Variants in TRPM3 observed in about 807,000 individuals in gnomAD.
TRPM3 encodes the protein long transient receptor potential channel 3.
TRPM3 carries 77 observed loss-of-function variants against 181.2 expected under a neutral mutation model. The ratio of observed to expected loss-of-function variants is 0.42; its 90% CI spans 0.35 to 0.51. The LOEUF (loss-of-function observed/expected upper bound fraction) is 0.51. TRPM3 is among the 20% of genes least tolerant of loss of function. The pLI is 0.01. For synonymous variants in TRPM3, 745 were observed against 796.4 expected, an observed-to-expected ratio of 0.94 and a Z score of 1.09; for missense variants, 1,759 against 2,196.7, an observed-to-expected ratio of 0.80 and a Z score of 3.98.
At chr9:70,890,265 G>C (rs1411708880) in intron 1 of TRPM3, among the ~76,000 whole-genome samples, 1 of 151,684 alleles carries the variant, frequency 6.6e-6, no homozygotes, top group African/African-American at 2.4e-5. Flanking sequence ...CTAAATAGAA[G>C]ATAAAGGTGA....
At position 70,806,563 on chromosome 9, in the gene TRPM3, C is replaced by T. The variant is rs189532438; in HGVS notation, c.973+21284G>A. ...AGAATTAGCTGGGCTTGGTGGTGCA[C>T]GCCTATAGCCCAGCTACTCGGGAGG... On this transcript the variant is annotated intron_variant, in intron 6 of 25. Transcript: ENST00000677713. 1.6e-4 allele frequency among the ~76,000 whole-genome samples: 25 copies of T among 151,954 alleles called. No individual in the cohort carries two copies. In the East Asian group the frequency reaches 1.8e-3, roughly 11 times the overall value.
intron 8 of TRPM3, among the ~76,000 whole-genome samples, chr9:70,685,547 A>G (rs1418433711): frequency 6.6e-6 from 1 of 152,144 alleles, no homozygotes; most frequent in Non-Finnish European, 1.5e-5. Context: ...CTGGGACTAC[A>G]GTCATGCACC....
intron 1 of TRPM3, among the ~76,000 whole-genome samples, chr9:71,335,743 A>C (rs557532766): frequency 1.3e-5 from 2 of 152,222 alleles, no homozygotes; most frequent in Admixed American, 1.3e-4. Flanking sequence ...TAATTTTGTA[A>C]ACATAAAGAA....
intron 1 of TRPM3, among the ~76,000 whole-genome samples, chr9:71,299,689 T>C (rs11142794): frequency 6.6e-6 from 1 of 151,990 alleles, no homozygotes; most frequent in Non-Finnish European, 1.5e-5. Context: ...CAAAGAACTT[T>C]CCATGTAAAA....
In TRPM3 at chr9:70,625,168, C is replaced by G. The variant is rs754023118; in HGVS notation, c.1809+23G>C. 3 of 1,613,508 alleles carry G rather than the reference C, an allele frequency of 1.9e-6. No homozygotes were observed. The highest frequency in any genetic ancestry group is 4.5e-5 in the East Asian group (2 of 44,862). ...ACACCCTAGTCCTCCCAGGAAGGGC[C>G]CCGAATTTGCAGCCAGCCTCACCCT... On this transcript the variant is annotated intron_variant, in intron 14 of 25. Coordinates refer to ENST00000677713, the MANE Select transcript of TRPM3 (RefSeq NM_001366145.2). The surrounding 1 kb of genome is among the most constrained non-coding windows in gnomAD (Gnocchi z 4.8).
At chr9:70,810,070 A>C (rs1251650660) in intron 6 of TRPM3, 1 of 534,524 alleles carries the variant, frequency 1.9e-6, no homozygotes, top group Non-Finnish European at 3.8e-6. Flanking sequence ...AGTCACATGA[A>C]GAAAGACTGT....
At chr9:71,224,754 T>G (rs1259788967) in intron 1 of TRPM3, among the ~76,000 whole-genome samples, 1 of 150,086 alleles carries the variant, frequency 6.7e-6, no homozygotes, top group African/African-American at 2.5e-5. Context: ...AAAATGCAAC[T>G]GGAGACAGAG....
chr9:71,154,847 CA>C (rs1444820955), intron 1 of TRPM3, among the ~76,000 whole-genome samples: 3 of 152,116 alleles, frequency 2.0e-5, no homozygotes, highest in Non-Finnish European at 2.9e-5. Context: ...AAGAACGATA[CA>C]GTTTAAAATT....
chr9:71,412,183 A>C (rs1006768789), intron 1 of TRPM3, among the ~76,000 whole-genome samples: 7 of 152,052 alleles, frequency 4.6e-5, no homozygotes, highest in African/African-American at 1.2e-4. Flanking sequence ...AGGACATAGG[A>C]ATGGGCAAGG....
rs183500268 is a variant in TRPM3, at chr9:71,158,163, T to C, written c.183+288490A>G. Among the ~76,000 whole-genome samples the C allele has an allele frequency of 1.2e-4, 19 of 152,302 alleles. No individual in the cohort carries two copies. In the East Asian group the frequency reaches 1.9e-3, roughly 15 times the overall value. ...AGCACAAAAAGAAAAGATCCTATTA[T>C]ATTCAAGTAACAGAAACTGAAGCTT... On this transcript the variant is annotated intron_variant, in intron 1 of 24. Coordinates refer to the TRPM3 transcript ENST00000357533.
At chr9:70,567,206 G>A (rs17055312) in intron 22 of TRPM3, among the ~76,000 whole-genome samples, 4,026 of 152,224 alleles carry the variant, frequency 0.026, 159 homozygotes, top group East Asian at 0.097. Context: ...TATAGCCAGA[G>A]GTTAACCTGA....
intron 1 of TRPM3, among the ~76,000 whole-genome samples, chr9:71,332,413 T>TGTG (rs1431233420): frequency 8.4e-6 from 1 of 119,212 alleles, no homozygotes; most frequent in African/African-American, 3.4e-5. Context: ...GTGTGTGTGT[T>TGTG]TCAGCACAGA....
At chr9:71,420,729 G>GAA (rs1565557051) in intron 1 of TRPM3, among the ~76,000 whole-genome samples, 1 of 49,020 alleles carries the variant, frequency 2.0e-5, no homozygotes, top group Non-Finnish European at 5.2e-5. Flanking sequence ...GAAAGAGAGA[G>GAA]AGAGAGAAAG....
chr9:71,170,553 G>A (rs1251899933), intron 1 of TRPM3, among the ~76,000 whole-genome samples: 1 of 152,186 alleles, frequency 6.6e-6, no homozygotes, highest in Non-Finnish European at 1.5e-5. Flanking sequence ...AGAAGATTGT[G>A]AAGATTTCAT....
intron 24 of TRPM3, among the ~76,000 whole-genome samples, chr9:70,551,571 C>A (rs1276486965): frequency 6.6e-6 from 1 of 152,198 alleles, no homozygotes; most frequent in East Asian, 1.9e-4. Flanking sequence ...CATCCTACTT[C>A]CTGCATTGTA....
At chr9:71,391,335 A>C (rs528886182) in intron 1 of TRPM3, among the ~76,000 whole-genome samples, 1 of 152,132 alleles carries the variant, frequency 6.6e-6, no homozygotes, top group Non-Finnish European at 1.5e-5. Context: ...AGTTCAAGTA[A>C]CTGAGTCCAT....
intron 1 of TRPM3, among the ~76,000 whole-genome samples, chr9:70,967,102 G>A (rs778255107): frequency 9.9e-5 from 15 of 152,128 alleles, no homozygotes; most frequent in Admixed American, 6.6e-4. Flanking sequence ...ACTCTAATGA[G>A]GAAATGCTAC....
intron 1 of TRPM3, among the ~76,000 whole-genome samples, chr9:71,274,203 G>A (rs963732838): frequency 6.6e-6 from 1 of 152,112 alleles, no homozygotes; most frequent in Non-Finnish European, 1.5e-5. Flanking sequence ...ATTATGTCTT[G>A]GGACTGACAT....
chr9:71,116,818 T>C (rs1228702201), intron 1 of TRPM3, among the ~76,000 whole-genome samples: 1 of 152,114 alleles, frequency 6.6e-6, no homozygotes, highest in Non-Finnish European at 1.5e-5. Context: ...ATAACAAAAA[T>C]ACAGTGACAT....
Sources: gnomAD v4.1 joint callset for allele counts (sites outside exome capture counted in the v4.1 genomes callset) on GRCh38, gnomAD v4.1.1 for gene constraint, Gnocchi (gnomAD v3.1) non-coding constraint, MANE v1.5 for transcripts, NCBI Gene and HGNC (gene_info 2026-07-23, HGNC 2026-07-21) for gene names.